The following AFG2A variants were observed in gnomAD, a reference collection of about 807,000 sequenced individuals.
AFG2A encodes AAA ATPase AFG2A.
the AFG2A span, among the ~76,000 whole-genome samples, chr4:123,135,064 A>T: frequency 1.3e-5 from 2 of 152,196 alleles, no homozygotes; most frequent in South Asian, 4.1e-4. Context: ...TTACCAGTAG[A>T]TCAAGTGGGA....
the AFG2A span, among the ~76,000 whole-genome samples, chr4:123,014,375 T>C: frequency 6.6e-6 from 1 of 152,200 alleles, no homozygotes; most frequent in African/African-American, 2.4e-5. Flanking sequence ...TTGTTACTTT[T>C]TTAAGTTTCC....
At chr4:123,116,776 T>A in the AFG2A span, among the ~76,000 whole-genome samples, 2 of 152,318 alleles carry the variant, frequency 1.3e-5, no homozygotes, top group East Asian at 3.9e-4. Context: ...TCGAAAAATG[T>A]TCATGGAGAC....
the AFG2A span, among the ~76,000 whole-genome samples, chr4:123,250,045 A>G: frequency 6.6e-6 from 1 of 152,172 alleles, no homozygotes; most frequent in Non-Finnish European, 1.5e-5. Context: ...GGCACTCCCT[A>G]TATACACATA....
chr4:123,108,425 A>T, the AFG2A span, among the ~76,000 whole-genome samples: 1 of 152,132 alleles, frequency 6.6e-6, no homozygotes, highest in Non-Finnish European at 1.5e-5. Context: ...CCTAGAAGGG[A>T]CAGTGCAGGT....
At chr4:123,045,944 A>C in the AFG2A span, among the ~76,000 whole-genome samples, 1 of 151,854 alleles carries the variant, frequency 6.6e-6, no homozygotes, top group African/African-American at 2.4e-5. Context: ...AAAAATACAA[A>C]AATTAGCCAG....
At chr4:123,186,215 G>A in the AFG2A span, among the ~76,000 whole-genome samples, 1 of 152,158 alleles carries the variant, frequency 6.6e-6, no homozygotes, top group Admixed American at 6.5e-5. Context: ...TCTGGCATAA[G>A]AATTATTTTG....
At chr4:123,221,851 C>T in the AFG2A span, among the ~76,000 whole-genome samples, 12 of 151,906 alleles carry the variant, frequency 7.9e-5, no homozygotes, top group Non-Finnish European at 1.2e-4. Context: ...CATTTGAACC[C>T]GGGAGGCGGA....
chr4:123,246,718 C>T, the AFG2A span, among the ~76,000 whole-genome samples: 1 of 152,148 alleles, frequency 6.6e-6, no homozygotes, highest in East Asian at 1.9e-4. Flanking sequence ...TAAGCATACC[C>T]TCTAATCCAT....
At chr4:122,923,267 C>T in the AFG2A span, 1 of 1,614,154 alleles carries the variant, frequency 6.2e-7, no homozygotes, top group Admixed American at 1.7e-5. Context: ...TTCGCGGCAA[C>T]CTCCGGGACT....
At chr4:122,991,898 G>A in the AFG2A span, among the ~76,000 whole-genome samples, 1 of 152,032 alleles carries the variant, frequency 6.6e-6, no homozygotes, top group East Asian at 1.9e-4. Flanking sequence ...TAAAACCTTG[G>A]CTGATTATTA....
chr4:123,163,120 A>G, the AFG2A span, among the ~76,000 whole-genome samples: 1 of 152,158 alleles, frequency 6.6e-6, no homozygotes, highest in African/African-American at 2.4e-5. Context: ...ACCAAGCTGA[A>G]CTCAGATTAT....
chr4:123,167,373 A>G, the AFG2A span, among the ~76,000 whole-genome samples: 3 of 151,588 alleles, frequency 2.0e-5, no homozygotes, highest in African/African-American at 7.3e-5. Context: ...TTTGAGACGG[A>G]GTCTCGCTCT....
chr4:123,209,586 A>ATTT, the AFG2A span, among the ~76,000 whole-genome samples: 1,238 of 116,192 alleles, frequency 0.011, 31 homozygotes, highest in East Asian at 0.065. Context: ...TGCATCAAGA[A>ATTT]TTTTTTTTTT....
the AFG2A span, among the ~76,000 whole-genome samples, chr4:123,280,931 A>G: frequency 1.3e-5 from 2 of 152,176 alleles, no homozygotes; most frequent in South Asian, 2.1e-4. Context: ...ATTTGCCTTA[A>G]TAATCATGAG....
At chr4:123,113,457 C>T in the AFG2A span, among the ~76,000 whole-genome samples, 1 of 151,900 alleles carries the variant, frequency 6.6e-6, no homozygotes, top group Non-Finnish European at 1.5e-5. Flanking sequence ...CCTGCATTTG[C>T]GATAACTTTC....
At chr4:123,262,830 C>A in the AFG2A span, among the ~76,000 whole-genome samples, 1 of 152,108 alleles carries the variant, frequency 6.6e-6, no homozygotes, top group East Asian at 1.9e-4. Flanking sequence ...GCATGATCTA[C>A]TGATGTGCAG....
At chr4:123,005,022 T>C in the AFG2A span, among the ~76,000 whole-genome samples, 6 of 152,360 alleles carry the variant, frequency 3.9e-5, no homozygotes, top group African/African-American at 9.6e-5. Context: ...TATTTCCTTA[T>C]ATTTTTAATA....
At chr4:122,955,354 A>G in the AFG2A span, among the ~76,000 whole-genome samples, 1 of 152,168 alleles carries the variant, frequency 6.6e-6, no homozygotes, top group East Asian at 1.9e-4. Context: ...CTGAGGATTA[A>G]TGTTGTTACG....
chr4:123,107,494 G>A, the AFG2A span, among the ~76,000 whole-genome samples: 4 of 152,198 alleles, frequency 2.6e-5, no homozygotes, highest in African/African-American at 9.7e-5. Flanking sequence ...TGGTCCATGG[G>A]TGGCCATGGG....
Sources: gnomAD v4.1 joint callset for allele counts (sites outside exome capture counted in the v4.1 genomes callset) on GRCh38, gnomAD v4.1.1 for gene constraint, MANE v1.5 for transcripts, NCBI Gene and HGNC (gene_info 2026-07-23, HGNC 2026-07-21) for gene names.